Variants in DIAPH2 observed in about 807,000 individuals in gnomAD.
DIAPH2 encodes protein diaphanous homolog 2.
A neutral mutation model predicts 92.7 loss-of-function variants in DIAPH2; 35 were observed. That is an observed-to-expected ratio of 0.38 (90% confidence interval 0.29 to 0.50). DIAPH2 has a LOEUF of 0.50. Among genes scored for constraint, DIAPH2 ranks in the 20% least tolerant of loss-of-function variants. The pLI, the probability that DIAPH2 is intolerant of heterozygous loss-of-function variation, is 0.94. For missense variants in DIAPH2, 701 were observed against 819.5 expected (o/e 0.86, Z 1.77); for synonymous variants, 301 against 280.4 (o/e 1.07, Z -0.73).
Position 97,176,588 on chromosome X carries a change from C to T in DIAPH2, c.2719+34794C>T, listed in dbSNP as rs189615888. On this transcript the variant is annotated intron_variant, in intron 22 of 26. Transcript: ENST00000324765. ...TGTCGCCCAGGCTGGAGTGCAGTGG[C>T]GAGATCTCGGCTCCCTGCAAGCTCC... Among the ~76,000 whole-genome samples, 772 of 110,702 alleles carry T rather than the reference C, an allele frequency of 7.0e-3. 1 individual carries two copies. Among genetic ancestry groups the T allele is most frequent in the Admixed American group, 0.012 (123 of 10,354 alleles).
intron 26 of DIAPH2, among the ~76,000 whole-genome samples, chrX:97,496,147 G>C (rs1008620834): frequency 9.8e-6 from 1 of 101,701 alleles, no homozygotes; most frequent in Non-Finnish European, 2.0e-5. Flanking sequence ...AAGATCAAGG[G>C]TAACAAATTT....
At chrX:97,163,451 A>C (rs2067389611) in intron 22 of DIAPH2, among the ~76,000 whole-genome samples, 1 of 111,646 alleles carries the variant, frequency 9.0e-6, no homozygotes, top group Non-Finnish European at 1.9e-5. Context: ...TGTCCTCCCA[A>C]AGTGCTAGGA....
At chrX:97,484,344 A>C (rs2070672446) in intron 26 of DIAPH2, among the ~76,000 whole-genome samples, 1 of 112,061 alleles carries the variant, frequency 8.9e-6, no homozygotes, top group African/African-American at 3.2e-5. Flanking sequence ...TAGTTTCTTC[A>C]TCCATGAAAT....
intron 3 of DIAPH2, among the ~76,000 whole-genome samples, chrX:96,751,654 T>TAAAATCACAAAATACTACA (rs1203515103): frequency 1.4e-5 from 1 of 71,554 alleles, no homozygotes; most frequent in Non-Finnish European, 2.9e-5. Flanking sequence ...AGTGTTTTGT[T>TAAAATCACAAAATACTACA]TTTTTTTTTT....
Position 96,909,235 on chromosome X carries a change from C to T in DIAPH2, c.588-3093C>T, listed in dbSNP as rs962774302. 2.0e-4 allele frequency among the ~76,000 whole-genome samples: 22 copies of T among 111,885 alleles called. No individual in the cohort carries two copies. The East Asian group carries it at 2.5e-3, about 13-fold the overall frequency. The stretch of plus-strand genomic sequence containing the variant: ...ACACTTTGAGAACCCTTGATTTATG[C>T]TTACTTCTAGTGTTTCAATGTCAGA... On this transcript the variant is annotated intron_variant, in intron 5 of 26. Transcript: ENST00000324765.
chrX:97,023,737 AG>A (rs2066313074), intron 17 of DIAPH2, among the ~76,000 whole-genome samples: 1 of 112,341 alleles, frequency 8.9e-6, no homozygotes, highest in South Asian at 3.7e-4. Flanking sequence ...TACCTATAGA[AG>A]TAAGAATGTA....
chrX:96,873,471 G>A (rs1436160540), intron 4 of DIAPH2, among the ~76,000 whole-genome samples: 1 of 110,065 alleles, frequency 9.1e-6, no homozygotes, highest in Non-Finnish European at 1.9e-5. Context: ...AATGATAGAA[G>A]TGGAGAATAG....
chrX:97,489,023 A>C (rs769863265), intron 26 of DIAPH2, among the ~76,000 whole-genome samples: 1 of 111,938 alleles, frequency 8.9e-6, no homozygotes, highest in East Asian at 2.8e-4. Context: ...GAATCTATAG[A>C]TTATCTTAAG....
intron 4 of DIAPH2, among the ~76,000 whole-genome samples, chrX:96,873,226 T>G (rs751609243): frequency 2.7e-4 from 30 of 111,922 alleles, no homozygotes; most frequent in African/African-American, 9.1e-4. Flanking sequence ...TTGTATGTCT[T>G]CTTTTGAGAC....
Position 96,888,257 on chromosome X carries a change from C to T in DIAPH2, c.587+6539C>T, listed in dbSNP as rs191831122. On this transcript the variant is annotated intron_variant, in intron 5 of 26. Coordinates refer to ENST00000324765, the MANE Select transcript of DIAPH2 (RefSeq NM_006729.5). ...TATATTTTTAGTAAAGACGGGGTTTCGCCATGTTGGCCAGGCTGGTCTCAA... is the reference window on the plus strand; with the variant it reads ...TATATTTTTAGTAAAGACGGGGTTTTGCCATGTTGGCCAGGCTGGTCTCAA... Among the ~76,000 whole-genome samples, 20 of 108,528 alleles carry T rather than the reference C, an allele frequency of 1.8e-4. No homozygotes were observed. The East Asian group carries it at 2.3e-3, about 12-fold the overall frequency. The allele number at this position is 108,528 out of a possible 115,157, so 94.2% of individuals were successfully genotyped here. A position where few individuals can be genotyped will look rare whatever the true frequency, so the allele number is the denominator to read the frequency against.
chrX:97,013,349 G>A (rs1322286692), intron 17 of DIAPH2, among the ~76,000 whole-genome samples: 3 of 111,955 alleles, frequency 2.7e-5, no homozygotes, highest in African/African-American at 9.8e-5. Flanking sequence ...ACAAGCAAGA[G>A]CAGAGCAGCT....
intron 1 of DIAPH2, among the ~76,000 whole-genome samples, chrX:96,701,243 C>A (rs916942001): frequency 1.8e-5 from 2 of 111,528 alleles, no homozygotes; most frequent in African/African-American, 6.5e-5. Flanking sequence ...CACATCAAAT[C>A]TTTGTTATGT....
At chrX:97,074,637 A>AC in intron 18 of DIAPH2, among the ~76,000 whole-genome samples, 1 of 112,152 alleles carries the variant, frequency 8.9e-6, no homozygotes, top group African/African-American at 3.2e-5. Context: ...GTAATAGTGT[A>AC]CCACAGGAAT....
At chrX:96,713,314 T>G (rs1222951442) in intron 1 of DIAPH2, among the ~76,000 whole-genome samples, 3 of 111,186 alleles carry the variant, frequency 2.7e-5, no homozygotes, top group Admixed American at 9.6e-5. Context: ...TGTGTGTTAG[T>G]GTGTTTTATT....
chrX:97,118,077 GT>G (rs2067028972), intron 21 of DIAPH2, among the ~76,000 whole-genome samples: 1 of 110,777 alleles, frequency 9.0e-6, no homozygotes, highest in Non-Finnish European at 1.9e-5. Context: ...AAGGATCTTT[GT>G]TTGTAAGTAT....
At chrX:97,131,919 A>G (rs1237439803) in intron 21 of DIAPH2, among the ~76,000 whole-genome samples, 2 of 111,564 alleles carry the variant, frequency 1.8e-5, no homozygotes, top group East Asian at 5.6e-4. Flanking sequence ...GGTCCTGGCA[A>G]TGCAGGCTAA....
intron 17 of DIAPH2, among the ~76,000 whole-genome samples, chrX:97,030,431 A>G (rs1602730828): frequency 8.9e-6 from 1 of 111,773 alleles, no homozygotes; most frequent in Middle Eastern, 4.6e-3. Flanking sequence ...ATGTTTAAGA[A>G]CAGTATGACA....
intron 26 of DIAPH2, among the ~76,000 whole-genome samples, chrX:97,490,364 AT>A (rs993693891): frequency 6.7e-4 from 63 of 94,581 alleles, no homozygotes; most frequent in Non-Finnish European, 1.3e-3. Context: ...TGTTTCACTG[AT>A]TTTTTTTCTA....
At chrX:97,339,799 G>A (rs2069097545) in intron 23 of DIAPH2, among the ~76,000 whole-genome samples, 1 of 111,727 alleles carries the variant, frequency 9.0e-6, no homozygotes, top group Admixed American at 9.5e-5. Context: ...TGTAGAACAA[G>A]GAATTTGAAA....
Sources: gnomAD v4.1 joint callset for allele counts (sites outside exome capture counted in the v4.1 genomes callset) on GRCh38, gnomAD v4.1.1 for gene constraint, MANE v1.5 for transcripts, NCBI Gene and HGNC (gene_info 2026-07-23, HGNC 2026-07-21) for gene names.